Variants in DSTN observed in about 807,000 individuals in gnomAD.
The protein encoded by DSTN is destrin, actin depolymerizing factor.
Under a neutral mutation model 16.8 loss-of-function variants are expected in DSTN, and 10 were observed. The observed-to-expected ratio is 0.60, with a 90% CI of 0.37 to 1.01. The LOEUF (loss-of-function observed/expected upper bound fraction) is 1.01, where lower values mean the gene tolerates loss of function less well. DSTN is among the 50% of genes least tolerant of loss of function. DSTN has a pLI of 0.01. For missense variants in DSTN, 141 were observed against 196.7 expected, an observed-to-expected ratio of 0.72 and a Z score of 1.69; for synonymous variants, 57 against 58.9, an observed-to-expected ratio of 0.97 and a Z score of 0.14.
intron 1 of DSTN, among the ~76,000 whole-genome samples, chr20:17,576,986 T>C (rs73898338): frequency 0.03 from 4,627 of 152,274 alleles, 207 homozygotes; most frequent in African/African-American, 0.1. Flanking sequence ...CACCAACATA[T>C]GGAAAATTCT....
rs533880691 is a variant in DSTN, at chr20:17,574,870, G to GTTTTTTT, written c.3+4675_3+4681dup. On this transcript the variant is annotated intron_variant, in intron 1 of 3. Transcript: ENST00000246069. ...TTTTCTTTTTCTTTTCTTTTCTTTT[G>GTTTTTTT]TTTTTTTTTTTTTTTTTTTTTTGAG... is the stretch of plus-strand genomic sequence containing the variant. 2.0e-3 allele frequency among the ~76,000 whole-genome samples: 161 copies of GTTTTTTT among 81,178 alleles called. 11 individuals are homozygous for GTTTTTTT. Among genetic ancestry groups the GTTTTTTT allele is most frequent in the East Asian group, 4.8e-3 (11 of 2,274 alleles). The allele number at this position is 81,178 out of a possible 152,430, so 53.3% of individuals were successfully genotyped here.
At chr20:17,594,558 TTGGCTGTTCAGAACTCAAA>T (rs527756895) in intron 1 of DSTN, among the ~76,000 whole-genome samples, 119 of 152,320 alleles carry the variant, frequency 7.8e-4, no homozygotes, top group African/African-American at 2.8e-3. Flanking sequence ...TGGGCCCAGC[TTGGCTGTTCAGAACTCAAA>T]TGGCTGTTCA....
chr20:17,596,740 C>T, intron 1 of DSTN: 1 of 985,302 alleles, frequency 1.0e-6, no homozygotes, highest in Non-Finnish European at 1.2e-6. Context: ...GACATCACTT[C>T]TGATAGAAAA....
chr20:17,589,972 T>C (rs1424112926), intron 1 of DSTN, among the ~76,000 whole-genome samples: 1 of 152,238 alleles, frequency 6.6e-6, no homozygotes, highest in Non-Finnish European at 1.5e-5. Context: ...AGTTTAGTTG[T>C]CATTAATTAT....
In DSTN at chr20:17,570,119, C is replaced by G. The variant is rs957892765; in HGVS notation, c.-90C>G. The G allele has an allele frequency of 1.3e-6, 2 of 1,503,074 alleles. No homozygotes were observed. Among genetic ancestry groups the G allele is most frequent in the Non-Finnish European group, 8.8e-7 (1 of 1,130,514 alleles). The allele number at this position is 1,503,074 out of a possible 1,614,324, so 93.1% of individuals were successfully genotyped here. On this transcript the variant is annotated 5_prime_UTR_variant, in exon 1 of 4. Coordinates refer to ENST00000246069, the MANE Select transcript of DSTN (RefSeq NM_006870.4). Reference sequence around the variant, plus strand: ...CCGCCGCGTCAGCTCAGCGCTGGGTCTCTCGGTCCCGCAGCCGTGAGGAGG... The same window carrying G: ...CCGCCGCGTCAGCTCAGCGCTGGGTGTCTCGGTCCCGCAGCCGTGAGGAGG...
intron 1 of DSTN, among the ~76,000 whole-genome samples, chr20:17,584,609 G>A (rs1169058775): frequency 6.8e-6 from 1 of 147,522 alleles, no homozygotes; most frequent in Non-Finnish European, 1.5e-5. Context: ...CCGAGGTCAC[G>A]CCATTGCACT....
intron 1 of DSTN, 47 bp downstream of exon 1, chr20:17,570,258 G>C (rs1316112771): frequency 2.0e-6 from 3 of 1,470,434 alleles, no homozygotes; most frequent in Non-Finnish European, 2.7e-6. Context: ...GCCGGGAGCA[G>C]TGTGTCTCTG....
intron 2 of DSTN, among the ~76,000 whole-genome samples, chr20:17,601,265 G>GT (rs1189133249): frequency 4.1e-5 from 6 of 147,554 alleles, no homozygotes; most frequent in South Asian, 2.1e-4. Flanking sequence ...CTCCGTTTTT[G>GT]TTTTTTTTTT....
chr20:17,580,165 C>T (rs747913145), intron 1 of DSTN, among the ~76,000 whole-genome samples: 3 of 152,178 alleles, frequency 2.0e-5, no homozygotes, highest in Non-Finnish European at 4.4e-5. Context: ...TTTGAATTTT[C>T]AAGTGACTTG....
At chr20:17,579,847 A>G (rs2035323675) in intron 1 of DSTN, among the ~76,000 whole-genome samples, 1 of 152,250 alleles carries the variant, frequency 6.6e-6, no homozygotes, top group South Asian at 2.1e-4. Flanking sequence ...TGTCTCATAC[A>G]GAATCACTCA....
rs1209059253 is a variant in DSTN at position 17,607,250 on chromosome 20, G to T, written c.*104G>T. ...GCCAGGGTCTCACTGAGGGGGAGCT[G>T]TCTTGTCATCTTTTAGAGTAAACTA... On this transcript the variant is annotated 3_prime_UTR_variant, in exon 4 of 4. Transcript: ENST00000246069. 9.5e-6 allele frequency: 9 copies of T among 948,710 alleles called. No homozygotes were observed. Among genetic ancestry groups the T allele is most frequent in the Non-Finnish European group, 1.4e-5 (9 of 645,932 alleles). The allele number at this position is 948,710 out of a possible 1,614,324, so 58.8% of individuals were successfully genotyped here. A position where few individuals can be genotyped will look rare whatever the true frequency, so the allele number is the denominator to read the frequency against.
rs1208433646 is a variant in DSTN at position 17,607,727 on chromosome 20, TGGAATACA to T, written c.*586_*593del. On this transcript the variant is annotated 3_prime_UTR_variant, in exon 4 of 4. Coordinates refer to ENST00000246069, the MANE Select transcript of DSTN (RefSeq NM_006870.4). ...CAAAGCGCTATTTCAGGCACATCAT[TGGAATACA>T]GGAAGTAGCCCTGCACCTGCCAGTG... is the stretch of plus-strand genomic sequence containing the variant. 6.6e-6 allele frequency: 1 copy of T among 152,284 alleles called. No individual in the cohort carries two copies. The highest frequency in any genetic ancestry group is 1.5e-5 in the Non-Finnish European group (1 of 68,102). 9.4% of individuals were successfully genotyped at this position (152,284 alleles called of 1,614,324 possible).
At chr20:17,606,064 C>T (rs1028055513) in intron 3 of DSTN, among the ~76,000 whole-genome samples, 1 of 151,400 alleles carries the variant, frequency 6.6e-6, no homozygotes, top group African/African-American at 2.4e-5. Flanking sequence ...GCTGAGATCG[C>T]ACCATTGCAC....
At chr20:17,597,682 T>C (rs980974632) in intron 1 of DSTN, among the ~76,000 whole-genome samples, 3 of 152,198 alleles carry the variant, frequency 2.0e-5, no homozygotes, top group African/African-American at 7.2e-5. Flanking sequence ...GAACACATGG[T>C]ATTTGTTGTA....
intron 1 of DSTN, among the ~76,000 whole-genome samples, chr20:17,586,070 C>T (rs1256183549): frequency 6.6e-6 from 1 of 152,110 alleles, no homozygotes; most frequent in Non-Finnish European, 1.5e-5. Context: ...GAGAGAGGGT[C>T]TCCCTGGAGA....
chr20:17,599,363 C>T (rs1249263934), intron 1 of DSTN: 1 of 152,314 alleles, frequency 6.6e-6, no homozygotes, highest in Non-Finnish European at 1.5e-5. Context: ...CTCCCACCTG[C>T]TTAGCCAGGG....
chr20:17,580,350 G>T lies in DSTN; in HGVS notation c.3+10139G>T, dbSNP rs150855076. 8.1e-4 allele frequency among the ~76,000 whole-genome samples: 123 copies of T among 152,320 alleles called. 1 individual carries two copies. The Middle Eastern group carries it at 0.01, about 13-fold the overall frequency. On this transcript the variant is annotated intron_variant, in intron 1 of 3. Coordinates refer to ENST00000246069, the MANE Select transcript of DSTN (RefSeq NM_006870.4). ...ACTGGTCCAAGCACTAGGGAAACAAGTTCTTTCCTCATGGAAGTTGCAATC... is the reference window on the plus strand; with the variant it reads ...ACTGGTCCAAGCACTAGGGAAACAATTTCTTTCCTCATGGAAGTTGCAATC...
At position 17,600,959 on chromosome 20, in the gene DSTN, T is replaced by C. The variant is rs765071845; in HGVS notation, c.225T>C (p.Leu75=). 1.2e-5 allele frequency: 19 copies of C among 1,613,932 alleles called. No individual in the cohort carries two copies. Among genetic ancestry groups the C allele is most frequent in the Non-Finnish European group, 1.6e-5 (19 of 1,179,968 alleles). Reference sequence around the variant, plus strand: ...CTTTCAAGCATTTTGTGGGAATGCTTCCTGAAAAAGATTGTCGCTATGCTT... The same window carrying C: ...CTTTCAAGCATTTTGTGGGAATGCTCCCTGAAAAAGATTGTCGCTATGCTT... ...TDPFKHFVGM[L]PEKDCRYALY... Residue 75 remains leucine (L), a synonymous_variant, in exon 2 of 4, where the codon CTT becomes CTC. Coordinates refer to ENST00000246069, the MANE Select transcript of DSTN (RefSeq NM_006870.4).
At chr20:17,576,971 T>C (rs867672440) in intron 1 of DSTN, among the ~76,000 whole-genome samples, 1 of 152,228 alleles carries the variant, frequency 6.6e-6, no homozygotes, top group African/African-American at 2.4e-5. Flanking sequence ...CCCAAACTTT[T>C]TGAACACCAA....
Sources: allele counts gnomAD v4.1 joint callset (sites outside exome capture counted in the v4.1 genomes callset), GRCh38; gene constraint gnomAD v4.1.1; transcripts MANE v1.5; gene names NCBI Gene and HGNC (gene_info 2026-07-23, HGNC 2026-07-21).